Variants in RIC3 observed in about 807,000 individuals in gnomAD.
RIC3 encodes protein RIC-3.
In RIC3, 28 loss-of-function variants were observed where a neutral mutation model predicts 27.3. The ratio of observed to expected loss-of-function variants is 1.02; its 90% CI spans 0.76 to 1.41. RIC3 has a LOEUF of 1.41. RIC3 is among the 40% of genes most tolerant of loss of function. The pLI is 0.00. For synonymous variants in RIC3, 184 were observed against 160.4 expected (o/e 1.15, Z -1.11); for missense variants, 501 against 444.7 (o/e 1.13, Z -1.14).
the RIC3 span, chr11:8,097,099 C>A: frequency 9.4e-7 from 1 of 1,062,148 alleles, no homozygotes; most frequent in Non-Finnish European, 1.4e-6. Context: ...CCCAGGCTGG[C>A]CAGGCCCCAA....
chr11:8,137,588 A>G (rs1948575156), intron 3 of RIC3, 117 bp from the exon 4 acceptor site: 2 of 620,668 alleles, frequency 3.2e-6, no homozygotes, highest in Admixed American at 5.9e-5. Context: ...TATCTCATTG[A>G]AGAACACCGC....
At chr11:8,126,920 T>A (rs772028975) in intron 4 of RIC3, 113 bp from the exon 5 acceptor site, 1 of 1,223,314 alleles carries the variant, frequency 8.2e-7, no homozygotes, top group Non-Finnish European at 1.2e-6. Flanking sequence ...TTGCAGCAGA[T>A]AATTATTCTA....
At chr11:8,103,653 G>A (rs559238771), downstream of RIC3, 1 of 152,726 alleles carries the variant, frequency 6.5e-6, no homozygotes, top group African/African-American at 2.4e-5. Context: ...CAGCGCTGGC[G>A]AGATACCATG....
chr11:8,146,617 C>T (rs776738111), intron 1 of RIC3, among the ~76,000 whole-genome samples: 32 of 152,078 alleles, frequency 2.1e-4, no homozygotes, highest in Non-Finnish European at 3.4e-4. Context: ...CCTGAGAACA[C>T]GTACCCAAGG....
intron 1 of RIC3, among the ~76,000 whole-genome samples, chr11:8,167,405 T>C (rs959964769): frequency 5.9e-5 from 9 of 152,128 alleles, no homozygotes; most frequent in Non-Finnish European, 4.4e-5. Flanking sequence ...GAGGTTTCAT[T>C]TGAGCAGAAA....
At chr11:8,102,759 A>T (rs1243557628), downstream of RIC3, 1 of 152,222 alleles carries the variant, frequency 6.6e-6, no homozygotes, top group Non-Finnish European at 1.5e-5. Flanking sequence ...ACCCTTAGGA[A>T]TCTAGTACAA....
In RIC3 at chr11:8,141,137, C is replaced by A. The variant is rs1461635779; in HGVS notation, c.125-944G>T. On this transcript the variant is annotated intron_variant, in intron 1 of 5. Transcript: ENST00000309737. ...AACTGCATCAACTAACGAGCAAAAT[C>A]ACCAGCTAACATCATAATGACAGGA... Among the ~76,000 whole-genome samples the A allele has an allele frequency of 2.3e-4, 35 of 149,840 alleles. No homozygotes were observed. The East Asian group carries it at 3.3e-3, about 14-fold the overall frequency.
chr11:8,132,301 C>T (rs1947831892), intron 4 of RIC3, among the ~76,000 whole-genome samples: 1 of 152,166 alleles, frequency 6.6e-6, no homozygotes, highest in Non-Finnish European at 1.5e-5. Context: ...CAATAATCTT[C>T]TAGCATGTAG....
At chr11:8,166,547 T>C (rs892546615) in intron 1 of RIC3, among the ~76,000 whole-genome samples, 2 of 152,166 alleles carry the variant, frequency 1.3e-5, no homozygotes, top group Non-Finnish European at 2.9e-5. Flanking sequence ...CTGAGTACAA[T>C]AAGAGTATGT....
chr11:8,126,805 C>G lies in RIC3; in HGVS notation c.524G>C (p.Arg175Thr). ...INRVGPNGES[R>T]AQTVTSDQEK... The stretch of plus-strand genomic sequence containing the variant: ...TTGGTCAGAAGTCACAGTCTGTGCT[C>G]TGCTTAGAAATATCAGACAATCCAA... Residue 175 changes from arginine to threonine, a missense_variant and splice_region_variant, in exon 5 of 6, where the codon AGA becomes ACA. Physicochemically the swap from Arg to Thr is moderately conservative, Grantham distance 71 (BLOSUM62 -1). Coordinates refer to ENST00000309737, the MANE Select transcript of RIC3 (RefSeq NM_001206671.4). 1 of 1,614,030 alleles carries G rather than the reference C, an allele frequency of 6.2e-7. No homozygotes were observed. Among genetic ancestry groups the G allele is most frequent in the African/African-American group, 1.3e-5 (1 of 75,018 alleles).
At chr11:8,131,189 T>A (rs576767839) in intron 4 of RIC3, among the ~76,000 whole-genome samples, 4 of 152,308 alleles carry the variant, frequency 2.6e-5, no homozygotes, top group African/African-American at 9.6e-5. Context: ...TATGTGCCTG[T>A]GCTAAGCTCT....
chr11:8,133,517 G>C (rs985825966), intron 4 of RIC3, among the ~76,000 whole-genome samples: 2 of 152,190 alleles, frequency 1.3e-5, no homozygotes, highest in African/African-American at 2.4e-5. Flanking sequence ...TTCTTCAGTG[G>C]GAAGAGTTGC....
intron 1 of RIC3, among the ~76,000 whole-genome samples, chr11:8,141,492 T>C (rs1405105993): frequency 2.6e-5 from 4 of 151,998 alleles, no homozygotes; most frequent in East Asian, 1.9e-4. Context: ...CCTAAATATA[T>C]ATGCACCCAA....
chr11:8,166,994 T>C (rs770838870), intron 1 of RIC3, among the ~76,000 whole-genome samples: 2 of 152,194 alleles, frequency 1.3e-5, no homozygotes, highest in African/African-American at 4.8e-5. Context: ...AGATTCTCAA[T>C]GGTGTATGTA....
chr11:8,134,141 C>A (rs1202860587), intron 4 of RIC3, among the ~76,000 whole-genome samples: 1 of 152,104 alleles, frequency 6.6e-6, no homozygotes, highest in Non-Finnish European at 1.5e-5. Context: ...GCTATCCCTC[C>A]CCACTCCCCT....
intron 1 of RIC3, among the ~76,000 whole-genome samples, chr11:8,148,374 G>A (rs1009072082): frequency 1.3e-5 from 2 of 152,074 alleles, no homozygotes; most frequent in Non-Finnish European, 1.5e-5. Context: ...TGGCTATTAT[G>A]CACCTTCAAA....
At chr11:8,151,698 G>A (rs1054089152) in intron 1 of RIC3, among the ~76,000 whole-genome samples, 3 of 151,648 alleles carry the variant, frequency 2.0e-5, no homozygotes, top group Non-Finnish European at 4.4e-5. Context: ...CAGATCATTT[G>A]AGGTCAGGAG....
chr11:8,118,284 G>A (rs911522259), intron 5 of RIC3, among the ~76,000 whole-genome samples: 2 of 149,640 alleles, frequency 1.3e-5, no homozygotes, highest in Non-Finnish European at 3.0e-5. Flanking sequence ...AAAATTCACT[G>A]CTCCTATGAG....
At chr11:8,147,854 A>C (rs1949861938) in intron 1 of RIC3, among the ~76,000 whole-genome samples, 1 of 151,602 alleles carries the variant, frequency 6.6e-6, no homozygotes, top group South Asian at 2.1e-4. Flanking sequence ...CAGCCTCCCA[A>C]GTAGCTGGGA....
Sources: gnomAD v4.1 joint callset for allele counts (sites outside exome capture counted in the v4.1 genomes callset) on GRCh38, gnomAD v4.1.1 for gene constraint, MANE v1.5 for transcripts, NCBI Gene and HGNC (gene_info 2026-07-23, HGNC 2026-07-21) for gene names.